Variants in ADGB observed in about 807,000 individuals in gnomAD.
ADGB encodes the protein androglobin.
Under a neutral mutation model 210.5 loss-of-function variants are expected in ADGB, and 172 were observed. The ratio of observed to expected loss-of-function variants is 0.82; its 90% CI spans 0.72 to 0.93. The LOEUF (loss-of-function observed/expected upper bound fraction) is 0.93. Among genes scored for constraint, ADGB ranks in the 40% least tolerant of loss-of-function variants. The pLI, the probability that ADGB is intolerant of heterozygous loss-of-function variation, is 0.00. For synonymous variants in ADGB, 658 were observed against 662.7 expected (o/e 0.99, Z 0.11); for missense variants, 2,025 against 1,964.8 (o/e 1.03, Z -0.58).
chr6:146,679,613 C>A (rs1224625368), intron 9 of ADGB, among the ~76,000 whole-genome samples: 2 of 152,186 alleles, frequency 1.3e-5, no homozygotes, highest in African/African-American at 2.4e-5. Context: ...CTTGGAGGAA[C>A]TCCAAATTAT....
At chr6:146,699,260 C>A (rs961128135) in intron 12 of ADGB, among the ~76,000 whole-genome samples, 3 of 152,102 alleles carry the variant, frequency 2.0e-5, no homozygotes, top group African/African-American at 7.2e-5. Flanking sequence ...AGGTCAGTAG[C>A]ACGTGGTTCA....
intron 9 of ADGB, among the ~76,000 whole-genome samples, chr6:146,679,966 T>A (rs1008650272): frequency 1.8e-4 from 28 of 152,054 alleles, no homozygotes; most frequent in Non-Finnish European, 4.4e-5. Flanking sequence ...TAGTATAGAG[T>A]TCAGTATCAT....
At position 146,807,508 on chromosome 6, in the gene ADGB, A is replaced by G. The variant is rs755862429; in HGVS notation, c.4818+5497A>G. 7.5e-5 allele frequency: 116 copies of G among 1,551,654 alleles called. 3 individuals carry two copies. In the Middle Eastern group the frequency reaches 8.3e-4, roughly 11 times the overall value. On this transcript the variant is annotated intron_variant, in intron 35 of 35. Coordinates refer to ENST00000397944, the MANE Select transcript of ADGB (RefSeq NM_024694.4). ...AAGCTGGAAGCTCTCTCTGCTCAGG[A>G]AGCCGCCATGAAGCTGGAGACAGAA...
intron 3 of ADGB, among the ~76,000 whole-genome samples, chr6:146,648,841 T>G (rs1265712040): frequency 6.6e-6 from 1 of 151,674 alleles, no homozygotes; most frequent in Non-Finnish European, 1.5e-5. Flanking sequence ...AAAATTTATA[T>G]TTTTAGTAAT....
At chr6:146,601,889 C>T (rs1430046620) in intron 1 of ADGB, among the ~76,000 whole-genome samples, 1 of 152,302 alleles carries the variant, frequency 6.6e-6, no homozygotes, top group South Asian at 2.1e-4. Context: ...GTTTTGTTAT[C>T]CACCTTGGTT....
intron 33 of ADGB, among the ~76,000 whole-genome samples, chr6:146,794,027 G>A (rs999548767): frequency 3.3e-5 from 5 of 152,190 alleles, no homozygotes; most frequent in African/African-American, 1.2e-4. Context: ...GGCTATTCCG[G>A]TTCCTGTAGC....
chr6:146,628,367 A>G (rs1781010121), intron 1 of ADGB, among the ~76,000 whole-genome samples: 1 of 152,074 alleles, frequency 6.6e-6, no homozygotes, highest in East Asian at 1.9e-4. Flanking sequence ...TTTAAGTTGT[A>G]TTTCAACTTC....
At chr6:146,686,783 CAT>C (rs1361676361) in intron 10 of ADGB, among the ~76,000 whole-genome samples, 1 of 152,056 alleles carries the variant, frequency 6.6e-6, no homozygotes, top group Non-Finnish European at 1.5e-5. Flanking sequence ...ACTAGGATTT[CAT>C]AGTCTGAAGT....
chr6:146,700,681 T>A (rs969820782), intron 12 of ADGB, among the ~76,000 whole-genome samples: 11 of 152,130 alleles, frequency 7.2e-5, no homozygotes, highest in African/African-American at 2.7e-4. Flanking sequence ...AATTCAAAGA[T>A]GACCACCAAA....
chr6:146,799,379 C>G (rs1778090430), intron 33 of ADGB, among the ~76,000 whole-genome samples: 1 of 151,772 alleles, frequency 6.6e-6, no homozygotes. Context: ...ACTAAAAATA[C>G]AAAAATTAGC....
At chr6:146,600,965 C>A (rs1483874605) in intron 1 of ADGB, among the ~76,000 whole-genome samples, 3 of 132,722 alleles carry the variant, frequency 2.3e-5, no homozygotes, top group Non-Finnish European at 3.3e-5. Context: ...CACACACACA[C>A]AAATAACTAA....
At chr6:146,716,843 T>C in intron 14 of ADGB, 40 bp from the exon 15 acceptor site, 1 of 1,461,306 alleles carries the variant, frequency 6.8e-7, no homozygotes, top group Non-Finnish European at 9.1e-7. Context: ...TAACTTGTTA[T>C]TTAACAATAT....
intron 13 of ADGB, among the ~76,000 whole-genome samples, chr6:146,706,261 CT>C (rs139087431): frequency 0.06 from 8,601 of 142,536 alleles, 805 homozygotes; most frequent in African/African-American, 0.21. Flanking sequence ...TTTTCTTTTT[CT>C]TTTTTTTTTC....
intron 2 of ADGB, among the ~76,000 whole-genome samples, chr6:146,642,451 A>T (rs9403798): frequency 6.6e-6 from 1 of 151,856 alleles, no homozygotes; most frequent in Admixed American, 6.6e-5. Context: ...TCATTACAGC[A>T]CTATTCACAA....
intron 7 of ADGB, among the ~76,000 whole-genome samples, chr6:146,669,356 A>G (rs574637066): frequency 1.3e-5 from 2 of 152,122 alleles, no homozygotes; most frequent in South Asian, 4.2e-4. Context: ...CTCAGGAAAA[A>G]AAATCTTAAT....
intron 29 of ADGB, chr6:146,770,637 G>A: frequency 2.2e-6 from 1 of 464,442 alleles, no homozygotes; most frequent in South Asian, 1.6e-5. Flanking sequence ...TGGCATCCTG[G>A]CCTGCTGTGT....
chr6:146,815,364 C>T lies in ADGB; in HGVS notation c.*147C>T, dbSNP rs2114681518. On this transcript the variant is annotated 3_prime_UTR_variant, in exon 36 of 36. Transcript: ENST00000397944. ...ATTTTAATGCTAACTTGTTAGTTTT[C>T]CTCAGAAAGCTAGTATTTGAAGCCA... The T allele has an allele frequency of 1.8e-6, 1 of 562,072 alleles. No individual in the cohort carries two copies. The highest frequency in any genetic ancestry group is 3.7e-5 in the East Asian group (1 of 27,210). 34.8% of individuals were successfully genotyped at this position (562,072 alleles called of 1,614,324 possible).
chr6:146,773,221 A>G (rs568281603), intron 29 of ADGB, among the ~76,000 whole-genome samples: 325 of 152,250 alleles, frequency 2.1e-3, no homozygotes, highest in African/African-American at 7.6e-3. Flanking sequence ...TAGTGACCCT[A>G]AATTACCACC....
At chr6:146,670,854 G>A (rs181134334) in intron 7 of ADGB, among the ~76,000 whole-genome samples, 1 of 152,266 alleles carries the variant, frequency 6.6e-6, no homozygotes, top group East Asian at 1.9e-4. Context: ...TAGAATACTA[G>A]GAGAGCGTAA....
Sources: gnomAD v4.1 joint callset for allele counts (sites outside exome capture counted in the v4.1 genomes callset) on GRCh38, gnomAD v4.1.1 for gene constraint, MANE v1.5 for transcripts, NCBI Gene and HGNC (gene_info 2026-07-23, HGNC 2026-07-21) for gene names.